VPS13B: variants seen among roughly 807,000 people sequenced by gnomAD.
VPS13B encodes the protein vacuolar protein sorting 13 homolog B.
In VPS13B, 285 loss-of-function variants were observed where a neutral mutation model predicts 426.4. The ratio of observed to expected loss-of-function variants is 0.67; its 90% CI spans 0.61 to 0.74. VPS13B has a LOEUF of 0.74. Among genes scored for constraint, VPS13B ranks in the 30% least tolerant of loss-of-function variants. VPS13B has a pLI of 0.00. For missense variants in VPS13B, 4,537 were observed against 4,782.6 expected, an observed-to-expected ratio of 0.95 and a Z score of 1.51; for synonymous variants, 1,676 against 1,676.4, an observed-to-expected ratio of 1.00 and a Z score of 0.01.
chr8:99,722,121 T>C (rs1370454261), intron 39 of VPS13B, among the ~76,000 whole-genome samples: 2 of 152,316 alleles, frequency 1.3e-5, no homozygotes, highest in Middle Eastern at 3.4e-3. Context: ...CCCTTTCTCA[T>C]GATCCTTTAG....
intron 19 of VPS13B, among the ~76,000 whole-genome samples, chr8:99,298,330 A>T (rs1820158724): frequency 6.6e-6 from 1 of 152,090 alleles, no homozygotes; most frequent in Non-Finnish European, 1.5e-5. Context: ...CTCTACTAAA[A>T]ACACAAAATT....
intron 39 of VPS13B, among the ~76,000 whole-genome samples, chr8:99,760,672 A>G (rs1810884968): frequency 3.9e-5 from 6 of 152,130 alleles, no homozygotes; most frequent in Admixed American, 3.9e-4. Flanking sequence ...TGTTGTTTTT[A>G]GGTTTTATTT....
At chr8:99,349,332 C>CAAAAAAAAAAAAAAAAA (rs35441676) in intron 19 of VPS13B, among the ~76,000 whole-genome samples, 1 of 47,744 alleles carries the variant, frequency 2.1e-5, no homozygotes, top group African/African-American at 1.0e-4. Context: ...GACTCCGTCT[C>CAAAAAAAAAAAAAAAAA]AAAAAAAAAA....
At chr8:99,107,281 A>G (rs1473592942) in intron 5 of VPS13B, among the ~76,000 whole-genome samples, 4 of 152,218 alleles carry the variant, frequency 2.6e-5, no homozygotes, top group African/African-American at 9.6e-5. Context: ...TCCACAATAT[A>G]TAACTTCTAT....
chr8:99,713,888 C>T (rs766277441), intron 36 of VPS13B, among the ~76,000 whole-genome samples: 3 of 152,124 alleles, frequency 2.0e-5, no homozygotes, highest in Non-Finnish European at 2.9e-5. Flanking sequence ...GCCTGTAATC[C>T]CAGCACTTTG....
chr8:99,036,771 A>T (rs1842766621), intron 2 of VPS13B, among the ~76,000 whole-genome samples: 1 of 152,120 alleles, frequency 6.6e-6, no homozygotes, highest in South Asian at 2.1e-4. Context: ...TCATTGTTAC[A>T]CAAGGCGTAG....
chr8:99,797,294 C>T (rs866440114), intron 43 of VPS13B, among the ~76,000 whole-genome samples: 63 of 151,678 alleles, frequency 4.2e-4, no homozygotes, highest in African/African-American at 1.5e-3. Context: ...GGCTGGAGTG[C>T]AGTGGCACGT....
chr8:99,052,586 A>C (rs4401819), intron 3 of VPS13B, among the ~76,000 whole-genome samples: 1 of 137,918 alleles, frequency 7.3e-6, no homozygotes, highest in Non-Finnish European at 1.6e-5. Flanking sequence ...CTATTGATTG[A>C]AATAATTTTG....
chr8:99,514,675 A>G (rs1821965256), intron 29 of VPS13B, among the ~76,000 whole-genome samples: 1 of 152,200 alleles, frequency 6.6e-6, no homozygotes, highest in Non-Finnish European at 1.5e-5. Flanking sequence ...TTGTTTATTA[A>G]TTAATCTGTT....
At chr8:99,044,259 A>G (rs1434300804) in intron 3 of VPS13B, among the ~76,000 whole-genome samples, 1 of 150,396 alleles carries the variant, frequency 6.6e-6, no homozygotes, top group Non-Finnish European at 1.5e-5. Flanking sequence ...AATTTTTTGT[A>G]TTTTTAGTAG....
intron 58 of VPS13B, 47 bp from the exon 59 acceptor site, chr8:99,868,242 C>G: frequency 6.2e-7 from 1 of 1,612,268 alleles, no homozygotes; most frequent in Non-Finnish European, 8.5e-7. Flanking sequence ...TTTCATTTTC[C>G]GAGGATTTTA....
intron 17 of VPS13B, among the ~76,000 whole-genome samples, chr8:99,246,980 T>C (rs1269749241): frequency 6.6e-6 from 1 of 152,238 alleles, no homozygotes; most frequent in Non-Finnish European, 1.5e-5. Flanking sequence ...TTCTATTTCT[T>C]GCCTAATAGA....
chr8:99,291,793 A>G (rs1819749261), intron 19 of VPS13B, among the ~76,000 whole-genome samples: 1 of 152,142 alleles, frequency 6.6e-6, no homozygotes, highest in South Asian at 2.1e-4. Flanking sequence ...TTATTTTAGC[A>G]TTGCAAATAT....
Position 99,442,402 on chromosome 8 carries a change from T to G in VPS13B, c.3212T>G (p.Leu1071Arg), listed in dbSNP as rs761083592. The G allele has an allele frequency of 6.2e-7, 1 of 1,613,232 alleles. No homozygotes were observed. Among genetic ancestry groups the G allele is most frequent in the East Asian group, 2.2e-5 (1 of 44,826 alleles). ...WNAVKHLTLQ[L>R]EVQSCCVFIP... is the part of the protein sequence containing the mutation. The stretch of plus-strand genomic sequence containing the variant: ...TTTAATTCTGCTTTTCTTTTCTAGC[T>G]TGAAGTACAATCTTGTTGTGTGTTT... Residue 1071 changes from leucine to arginine, a missense_variant and splice_region_variant, in exon 23 of 62, where the codon CTT becomes CGT. Coordinates refer to ENST00000357162, the MANE Select transcript of VPS13B (RefSeq NM_152564.5).
intron 39 of VPS13B, among the ~76,000 whole-genome samples, chr8:99,761,396 C>A (rs952020696): frequency 6.6e-6 from 1 of 152,298 alleles, no homozygotes; most frequent in Admixed American, 6.5e-5. Context: ...TCCCTAAACC[C>A]CACTGTTGGT....
chr8:99,704,935 A>G (rs1231921437), intron 36 of VPS13B, among the ~76,000 whole-genome samples: 1 of 152,176 alleles, frequency 6.6e-6, no homozygotes, highest in East Asian at 1.9e-4. Context: ...AAGCAGAAGA[A>G]TTCTAATGCC....
chr8:99,686,502 A>C (rs1323645105), intron 35 of VPS13B, among the ~76,000 whole-genome samples: 1 of 151,998 alleles, frequency 6.6e-6, no homozygotes. Context: ...GCCTGGAGTC[A>C]GAAACCTTAG....
intron 43 of VPS13B, among the ~76,000 whole-genome samples, chr8:99,788,862 A>G (rs1812404444): frequency 6.6e-6 from 1 of 152,160 alleles, no homozygotes; most frequent in Non-Finnish European, 1.5e-5. Flanking sequence ...CAGTTGATCA[A>G]ATTCAGTAGA....
intron 25 of VPS13B, among the ~76,000 whole-genome samples, chr8:99,494,629 G>T (rs1820793871): frequency 1.3e-5 from 2 of 152,100 alleles, no homozygotes; most frequent in South Asian, 2.1e-4. Context: ...ATCATGTCAT[G>T]TGCTAAAAGA....
Sources: gnomAD v4.1 joint callset for allele counts (sites outside exome capture counted in the v4.1 genomes callset) on GRCh38, gnomAD v4.1.1 for gene constraint, MANE v1.5 for transcripts, NCBI Gene and HGNC (gene_info 2026-07-23, HGNC 2026-07-21) for gene names.